The following CNOT9 variants were observed in gnomAD, a reference collection of about 807,000 sequenced individuals.
CNOT9 encodes the protein CCR4-NOT transcription complex subunit 9, also known as RCD1 required for cell differentiation1 homolog.
Under a neutral mutation model 37.4 loss-of-function variants are expected in CNOT9, and 8 were observed. The ratio of observed to expected loss-of-function variants is 0.21; its 90% CI spans 0.13 to 0.39. CNOT9 has a LOEUF of 0.39. CNOT9 is among the 10% of genes least tolerant of loss of function. The probability of loss-of-function intolerance (pLI) is 1.00; values close to 1 mark genes in which losing one functional copy is unlikely to be tolerated. For missense variants in CNOT9, 154 were observed against 365.3 expected (o/e 0.42, Z 4.71); for synonymous variants, 120 against 137.6 (o/e 0.87, Z 0.90).
intron 1 of CNOT9, among the ~76,000 whole-genome samples, chr2:218,580,196 T>A (rs1174198578): frequency 1.3e-5 from 2 of 152,138 alleles, no homozygotes; most frequent in Middle Eastern, 6.8e-3. Flanking sequence ...CTCAAACTCC[T>A]GACCTCAAGT....
intron 5 of CNOT9, among the ~76,000 whole-genome samples, chr2:218,588,588 CTTTTTTTTTTT>C (rs1172484260): frequency 6.0e-5 from 2 of 33,450 alleles, no homozygotes; most frequent in African/African-American, 1.4e-4. Flanking sequence ...TCCACCCGGC[CTTTTTTTTTTT>C]TTTTTTTTTT....
intron 7 of CNOT9, chr2:218,593,897 G>A: frequency 9.7e-7 from 1 of 1,029,430 alleles, no homozygotes; most frequent in East Asian, 2.8e-5. Flanking sequence ...TTCTACATTG[G>A]GGCATCATTC....
chr2:218,583,628 A>G (rs1390886818), intron 3 of CNOT9, among the ~76,000 whole-genome samples: 1 of 152,180 alleles, frequency 6.6e-6, no homozygotes, highest in Non-Finnish European at 1.5e-5. Flanking sequence ...TCAGGAATCT[A>G]CTTTGTGGGC....
intron 1 of CNOT9, among the ~76,000 whole-genome samples, chr2:218,577,217 A>G (rs1694203636): frequency 6.6e-6 from 1 of 152,178 alleles, no homozygotes; most frequent in Non-Finnish European, 1.5e-5. Flanking sequence ...TTAAGCTCTC[A>G]TTTTTATTTT....
chr2:218,595,776 G>A lies in CNOT9; in HGVS notation c.*1500G>A, dbSNP rs1293886101. 1 of 151,844 alleles carries A rather than the reference G, an allele frequency of 6.6e-6. No individual in the cohort carries two copies. The highest frequency in any genetic ancestry group is 1.5e-5 in the Non-Finnish European group (1 of 67,972). The allele number at this position is 151,844 out of a possible 1,614,324, so 9.4% of individuals were successfully genotyped here. A position where few individuals can be genotyped will look rare whatever the true frequency, so the allele number is the denominator to read the frequency against. On this transcript the variant is annotated 3_prime_UTR_variant, in exon 8 of 8. Transcript: ENST00000273064. ...AAAAAAAAAAAAACCCATTTGCAGA[G>A]GCAGTTTTGCCAACACAAGGGCTCT...
chr2:218,579,914 G>T lies in CNOT9; in HGVS notation c.25-647G>T, dbSNP rs373788988. ...GCTCACTATAACTTCCACCTCCCATGCTCAAGCGATTCTAGTGCCTCAGCC... is the reference window on the plus strand; with the variant it reads ...GCTCACTATAACTTCCACCTCCCATTCTCAAGCGATTCTAGTGCCTCAGCC... On this transcript the variant is annotated intron_variant, in intron 1 of 7. Transcript: ENST00000273064. Among the ~76,000 whole-genome samples, 10 of 151,110 alleles carry T rather than the reference G, an allele frequency of 6.6e-5. No homozygotes were observed. The East Asian group carries it at 1.6e-3, about 24-fold the overall frequency.
In CNOT9 at chr2:218,595,266, T is replaced by G. The variant is rs1463202820; in HGVS notation, c.*990T>G. On this transcript the variant is annotated 3_prime_UTR_variant, in exon 8 of 8. Transcript: ENST00000273064. The stretch of plus-strand genomic sequence containing the variant: ...GAGGTGCTTGGGATTAAGGTGACAG[T>G]CCACTTGATCCTTTTCTTTGTTTTA... 6.6e-6 allele frequency: 1 copy of G among 152,158 alleles called. No homozygotes were observed. Among genetic ancestry groups the G allele is most frequent in the Non-Finnish European group, 1.5e-5 (1 of 68,044 alleles). 9.4% of individuals were successfully genotyped at this position (152,158 alleles called of 1,614,324 possible). A position where few individuals can be genotyped will look rare whatever the true frequency, so the allele number is the denominator to read the frequency against.
At chr2:218,577,191 G>A (rs1057105181) in intron 1 of CNOT9, among the ~76,000 whole-genome samples, 1 of 152,150 alleles carries the variant, frequency 6.6e-6, no homozygotes, top group Non-Finnish European at 1.5e-5. Flanking sequence ...GCCTGGCAGA[G>A]TAAGCACTGT....
intron 5 of CNOT9, among the ~76,000 whole-genome samples, chr2:218,591,601 G>A (rs1316770128): frequency 2.0e-5 from 3 of 152,070 alleles, no homozygotes; most frequent in Non-Finnish European, 4.4e-5. Context: ...AAATTAGCCA[G>A]GCATGGTGGC....
chr2:218,591,180 TAC>T (rs1035449192), intron 5 of CNOT9, among the ~76,000 whole-genome samples: 28 of 152,332 alleles, frequency 1.8e-4, no homozygotes, highest in African/African-American at 6.7e-4. Context: ...TTCAGCCTAC[TAC>T]AGTGTTATAA....
Position 218,576,343 on chromosome 2 carries a change from G to A in CNOT9, c.25-4218G>A, listed in dbSNP as rs544853311. Among the ~76,000 whole-genome samples, 3 of 152,228 alleles carry A rather than the reference G, an allele frequency of 2.0e-5. 1 individual carries two copies. In the South Asian group the frequency reaches 6.2e-4, roughly 32 times the overall value. On this transcript the variant is annotated intron_variant, in intron 1 of 7. Transcript: ENST00000273064. ...TTTCCTTTTTATTCTCCAAAACAAT[G>A]AAATTCCTATATGTGTGTTACAAAA...
intron 1 of CNOT9, among the ~76,000 whole-genome samples, chr2:218,580,039 G>A (rs1694319577): frequency 6.7e-6 from 1 of 150,268 alleles, no homozygotes; most frequent in South Asian, 2.1e-4. Context: ...CGCTATCTCG[G>A]GTCACTGCAA....
In CNOT9 at chr2:218,568,944, C is replaced by T. The variant is rs1393875256; in HGVS notation, c.-11C>T. 1.9e-6 allele frequency: 3 copies of T among 1,607,262 alleles called. No individual in the cohort carries two copies. Among genetic ancestry groups the T allele is most frequent in the Non-Finnish European group, 2.5e-6 (3 of 1,177,094 alleles). On this transcript the variant is annotated 5_prime_UTR_variant, in exon 1 of 8. Transcript: ENST00000273064. ...GTCCGGCTGTGGAAGAGAGCGGCGG[C>T]CGCTCACAACATGCACAGCCTGGCG... is the stretch of plus-strand genomic sequence containing the variant.
intron 1 of CNOT9, among the ~76,000 whole-genome samples, chr2:218,580,322 A>G (rs1422570392): frequency 6.6e-6 from 1 of 152,196 alleles, no homozygotes; most frequent in Admixed American, 6.5e-5. Context: ...TGTCTTTAGC[A>G]CAGCCCAATT....
chr2:218,593,723 C>T (rs1338365123), intron 7 of CNOT9: 28 of 1,229,250 alleles, frequency 2.3e-5, no homozygotes, highest in Non-Finnish European at 2.9e-5. Flanking sequence ...ATTAAGTTAT[C>T]ATAAGTTTGA....
chr2:218,583,622 G>A (rs538101890), intron 3 of CNOT9, among the ~76,000 whole-genome samples: 15 of 152,222 alleles, frequency 9.9e-5, no homozygotes, highest in African/African-American at 3.4e-4. Flanking sequence ...TCCTGTTCAG[G>A]AATCTACTTT....
intron 1 of CNOT9, among the ~76,000 whole-genome samples, chr2:218,570,022 A>AGG (rs1002476605): frequency 3.3e-5 from 5 of 152,144 alleles, no homozygotes; most frequent in African/African-American, 7.2e-5. Context: ...TGTCTCCTTG[A>AGG]GGGCAGGGAC....
intron 3 of CNOT9, 102 bp downstream of exon 3, chr2:218,583,188 AAC>A (rs368695912): frequency 9.6e-6 from 5 of 519,526 alleles, no homozygotes; most frequent in East Asian, 3.6e-5. Flanking sequence ...AGAGAGAGAG[AAC>A]GTTTGTGTGT....
rs1559248552 is a variant in CNOT9, at chr2:218,585,645, T to TA, written c.430+924_430+925insA. On this transcript the variant is annotated intron_variant, in intron 4 of 7. Transcript: ENST00000273064. ...AAATTTATTTTTTATTTTATTTTTT[T>TA]TTTTTTTTTTTGAGACAAGGTCTTG... 6.8e-3 allele frequency among the ~76,000 whole-genome samples: 658 copies of TA among 97,286 alleles called. 2 individuals are homozygous for TA. Among genetic ancestry groups the TA allele is most frequent in the African/African-American group, 0.017 (627 of 37,100 alleles). 63.8% of individuals were successfully genotyped at this position (97,286 alleles called of 152,430 possible).
Sources: gnomAD v4.1 joint callset for allele counts (sites outside exome capture counted in the v4.1 genomes callset) on GRCh38, gnomAD v4.1.1 for gene constraint, MANE v1.5 for transcripts, NCBI Gene and HGNC (gene_info 2026-07-23, HGNC 2026-07-21) for gene names.